Variants in KY observed in about 807,000 individuals in gnomAD.
KY encodes the protein kyphoscoliosis peptidase.
KY carries 43 observed loss-of-function variants against 76.1 expected under a neutral mutation model. The ratio of observed to expected loss-of-function variants is 0.57; its 90% CI spans 0.44 to 0.73. KY has a LOEUF of 0.73. KY is among the 30% of genes least tolerant of loss of function. The pLI is 0.00. For synonymous variants in KY, 277 were observed against 326.2 expected (o/e 0.85, Z 1.63); for missense variants, 722 against 828.9 (o/e 0.87, Z 1.58).
At chr3:134,613,961 T>C (rs1961022210) in intron 8 of KY, among the ~76,000 whole-genome samples, 2 of 152,144 alleles carry the variant, frequency 1.3e-5, no homozygotes, top group African/African-American at 4.8e-5. Flanking sequence ...GGGAATGCTA[T>C]AACATGACAT....
chr3:134,623,431 C>G (rs1344897740), intron 6 of KY, among the ~76,000 whole-genome samples: 1 of 152,178 alleles, frequency 6.6e-6, no homozygotes, highest in East Asian at 1.9e-4. Flanking sequence ...CCTGCTTCAG[C>G]CTTCTCTATG....
intron 3 of KY, 34 bp from the exon 4 acceptor site, chr3:134,629,729 G>C: frequency 7.1e-7 from 1 of 1,409,454 alleles, no homozygotes. Context: ...TTCTCAACCA[G>C]ATGCTGCCAG....
intron 8 of KY, among the ~76,000 whole-genome samples, chr3:134,611,770 C>G (rs1880379): frequency 6.6e-6 from 1 of 152,028 alleles, no homozygotes; most frequent in Non-Finnish European, 1.5e-5. Flanking sequence ...TGGGCCCTTC[C>G]ACAGACCAGG....
chr3:134,603,900 A>G lies in KY; in HGVS notation c.1665T>C (p.Leu555=), dbSNP rs2293293. 1,047,655 of 1,613,692 alleles carry G rather than the reference A, an allele frequency of 0.65. 343,051 individuals carry two copies. Among genetic ancestry groups the G allele is most frequent in the East Asian group, 0.84 (37,674 of 44,864 alleles). Residue 555 remains leucine (L), a synonymous_variant, in exon 11 of 11, where the codon CTT becomes CTC. Transcript: ENST00000423778. ...TCACCTTGGTGTTGGCACAGCATAC[A>G]AGGTAATTAAAGACGAAGATGTAGT... ...PGNYIFVFNY[L]VCCANTKVNW... is the part of the protein sequence containing the mutation.
At position 134,606,795 on chromosome 3, in the gene KY, C is replaced by T. The variant is rs143233070; in HGVS notation, c.1090+1854G>A. 5.4e-4 allele frequency among the ~76,000 whole-genome samples: 82 copies of T among 151,926 alleles called. 1 individual carries two copies. The highest frequency in any genetic ancestry group is 1.6e-3 in the Admixed American group (24 of 15,220). On this transcript the variant is annotated intron_variant, in intron 10 of 10. Transcript: ENST00000423778. ...CCCTGCAGACCTCTATGGGAGTCCA[C>T]GGCTCTTCCAGTCCCCTCTTCCTCC...
In KY at chr3:134,620,834, G is replaced by A. The variant is rs374650727; in HGVS notation, c.507C>T (p.Asp169=). Residue 169 remains aspartate (D), a synonymous_variant, in exon 7 of 11, where the codon GAC becomes GAT. Transcript: ENST00000423778. ...ASQVTAKSGL[D]ELVSDLLQEA... is the part of the protein sequence containing the mutation. Reference sequence around the variant, plus strand: ...CCTGGAGCAGGTCACTCACCAGTTCGTCTAGGCCACTCTTGGCTGTCACCT... The same window carrying A: ...CCTGGAGCAGGTCACTCACCAGTTCATCTAGGCCACTCTTGGCTGTCACCT... 1.0e-4 allele frequency: 168 copies of A among 1,612,458 alleles called. No homozygotes were observed. Among genetic ancestry groups the A allele is most frequent in the East Asian group, 3.8e-4 (17 of 44,852 alleles).
chr3:134,608,436 T>C, intron 10 of KY: 1 of 1,512,396 alleles, frequency 6.6e-7, no homozygotes, highest in Non-Finnish European at 8.8e-7. Flanking sequence ...TTGTCCCTGC[T>C]GATGTGGCCT....
rs1475008631 is a variant in KY at position 134,604,265 on chromosome 3, T to G, written c.1300A>C (p.Lys434Gln). Residue 434 changes from lysine (K) to glutamine (Q), a missense_variant, in exon 11 of 11, where the codon AAG (lysine) becomes CAG (glutamine). Around this residue, in one of 2 missense-constraint regions of KY, gnomAD observed 552 missense variants for 680.9 expected, o/e 0.81. Transcript: ENST00000423778. The part of the protein sequence containing the change: ...IYSSVLEYTL[K>Q]CNYVDMGVQL... Reference sequence around the variant, plus strand: ...ACACCCATGTCCACATAATTGCACTTGAGCGTGTACTCCAGCACTGAGCTG... The same window carrying G: ...ACACCCATGTCCACATAATTGCACTGGAGCGTGTACTCCAGCACTGAGCTG... 1.9e-6 allele frequency: 3 copies of G among 1,613,990 alleles called. No individual in the cohort carries two copies. The highest frequency in any genetic ancestry group is 2.5e-6 in the Non-Finnish European group (3 of 1,179,898).
intron 4 of KY, among the ~76,000 whole-genome samples, chr3:134,629,081 G>A (rs1287269292): frequency 2.0e-5 from 3 of 152,164 alleles, no homozygotes; most frequent in Admixed American, 1.3e-4. Flanking sequence ...AGACATCATC[G>A]TCCTGGGCCT....
At chr3:134,608,057 C>T in intron 10 of KY, 4 of 1,073,714 alleles carry the variant, frequency 3.7e-6, no homozygotes, top group Non-Finnish European at 4.5e-6. Flanking sequence ...TGCCCCAACT[C>T]TCTGTCTTGG....
chr3:134,644,951 G>A (rs561493722), intron 2 of KY, among the ~76,000 whole-genome samples: 5 of 152,354 alleles, frequency 3.3e-5, no homozygotes, highest in South Asian at 2.1e-4. Flanking sequence ...CAGATCAGGC[G>A]AGGAAAGGGA....
intron 6 of KY, among the ~76,000 whole-genome samples, chr3:134,622,067 T>G (rs1332007152): frequency 2.0e-5 from 3 of 152,172 alleles, no homozygotes; most frequent in African/African-American, 7.2e-5. Context: ...GAAAATAATG[T>G]GTTGGCAAGA....
At chr3:134,632,625 T>C (rs1411494972) in intron 3 of KY, among the ~76,000 whole-genome samples, 3 of 151,968 alleles carry the variant, frequency 2.0e-5, no homozygotes, top group Admixed American at 2.0e-4. Flanking sequence ...AGGGGAAATT[T>C]GTAGCATTAA....
intron 8 of KY, among the ~76,000 whole-genome samples, chr3:134,617,052 T>C (rs1019613477): frequency 1.3e-5 from 2 of 152,176 alleles, no homozygotes; most frequent in Admixed American, 1.3e-4. Context: ...ACTTTGGCAC[T>C]CCTTCTAAAG....
chr3:134,617,295 A>T (rs1041336571), intron 8 of KY, among the ~76,000 whole-genome samples: 22 of 152,318 alleles, frequency 1.4e-4, no homozygotes, highest in African/African-American at 5.3e-4. Flanking sequence ...GAGCTAAGAG[A>T]CTTGTGGCTA....
In KY at chr3:134,600,509, A is replaced by G. The variant is rs949526308; in HGVS notation, c.*3070T>C. Reference sequence around the variant, plus strand: ...CACAATGATCATAATCAGATTGAAAATGGAGTCCAGCTGAGCTATGGCACT... The same window carrying G: ...CACAATGATCATAATCAGATTGAAAGTGGAGTCCAGCTGAGCTATGGCACT... On this transcript the variant is annotated 3_prime_UTR_variant, in exon 11 of 11. Transcript: ENST00000423778. Among the ~76,000 whole-genome samples the G allele has an allele frequency of 4.6e-5, 7 of 152,202 alleles. No individual in the cohort carries two copies. Among genetic ancestry groups the G allele is most frequent in the Non-Finnish European group, 1.0e-4 (7 of 68,032 alleles).
chr3:134,637,264 C>T (rs1418434553), intron 3 of KY, among the ~76,000 whole-genome samples: 1 of 152,326 alleles, frequency 6.6e-6, no homozygotes, highest in South Asian at 2.1e-4. Context: ...GGTGCTATCG[C>T]CATCAGCAGC....
intron 3 of KY, among the ~76,000 whole-genome samples, chr3:134,641,539 C>T (rs1027058522): frequency 6.6e-6 from 1 of 152,148 alleles, no homozygotes; most frequent in African/African-American, 2.4e-5. Flanking sequence ...GGAATGAATG[C>T]ACCCCTAGAG....
intron 3 of KY, among the ~76,000 whole-genome samples, chr3:134,632,863 A>G (rs557522535): frequency 6.6e-6 from 1 of 152,152 alleles, no homozygotes; most frequent in Non-Finnish European, 1.5e-5. Context: ...TAGAATGACC[A>G]AGAAAAAAAA....
Sources: allele counts gnomAD v4.1 joint callset (sites outside exome capture counted in the v4.1 genomes callset), GRCh38; gene constraint gnomAD v4.1.1; regional missense constraint gnomAD v4.1.1; transcripts MANE v1.5; gene names NCBI Gene and HGNC (gene_info 2026-07-23, HGNC 2026-07-21).